The following FREM2 variants were observed in gnomAD, a reference collection of about 807,000 sequenced individuals.
The protein encoded by FREM2 is FRAS1 related extracellular matrix 2, also known as FRAS1-related extracellular matrix protein 2.
Under a neutral mutation model 219.9 loss-of-function variants are expected in FREM2, and 119 were observed. The observed-to-expected ratio is 0.54, with a 90% confidence interval of 0.47 to 0.63. The LOEUF (loss-of-function observed/expected upper bound fraction) is 0.63, where lower values mean the gene tolerates loss of function less well. Among genes scored for constraint, FREM2 ranks in the 30% least tolerant of loss-of-function variants. The pLI is 0.00. For synonymous variants in FREM2, 1,562 were observed against 1,522.8 expected, an observed-to-expected ratio of 1.03 and a Z score of -0.60; for missense variants, 4,030 against 3,993.6, an observed-to-expected ratio of 1.01 and a Z score of -0.25.
Position 38,688,355 on chromosome 13 carries a change from C to G in FREM2, c.1011C>G (p.Ala337=). ...MMEVDQFVLT[A]LTPDMLAAED... is the part of the protein sequence containing the mutation. ...AGGTGGACCAGTTTGTACTGACGGCCCTGACCCCAGACATGCTGGCAGCCG... is the reference window on the plus strand; with the variant it reads ...AGGTGGACCAGTTTGTACTGACGGCGCTGACCCCAGACATGCTGGCAGCCG... Residue 337 remains alanine, a synonymous_variant, in exon 1 of 24, where the codon GCC becomes GCG. Coordinates refer to ENST00000280481, the MANE Select transcript of FREM2 (RefSeq NM_207361.6). 1.9e-6 allele frequency: 3 copies of G among 1,614,160 alleles called. No homozygotes were observed. The highest frequency in any genetic ancestry group is 1.1e-5 in the South Asian group (1 of 91,086).
intron 6 of FREM2, among the ~76,000 whole-genome samples, chr13:38,811,071 TC>T (rs1875456073): frequency 1.3e-5 from 2 of 152,164 alleles, no homozygotes; most frequent in South Asian, 4.1e-4. Flanking sequence ...GAATAATTTA[TC>T]CATTTCTTCT....
At chr13:38,833,040 A>T (rs1295380471) in intron 6 of FREM2, among the ~76,000 whole-genome samples, 6 of 151,914 alleles carry the variant, frequency 3.9e-5, no homozygotes, top group African/African-American at 1.5e-4. Flanking sequence ...CTGTGTCTCG[A>T]AAAAAAAGCA....
intron 15 of FREM2, among the ~76,000 whole-genome samples, chr13:38,862,366 G>A (rs886357337): frequency 6.6e-5 from 10 of 152,160 alleles, no homozygotes; most frequent in African/African-American, 4.8e-5. Flanking sequence ...ATAGCATAAT[G>A]TTGGTCCCTG....
At chr13:38,785,973 T>A (rs1874312355) in intron 6 of FREM2, among the ~76,000 whole-genome samples, 1 of 152,342 alleles carries the variant, frequency 6.6e-6, no homozygotes, top group Admixed American at 6.5e-5. Context: ...GGGTACATAA[T>A]GATGTTTAGA....
Position 38,846,621 on chromosome 13 carries a change from C to A in FREM2, c.6068C>A (p.Ala2023Asp), listed in dbSNP as rs751846321. The A allele has an allele frequency of 6.2e-7, 1 of 1,613,736 alleles. No individual in the cohort carries two copies. The highest frequency in any genetic ancestry group is 8.5e-7 in the Non-Finnish European group (1 of 1,179,754). The change falls in exon 7 of 24, where the codon GCT becomes GAT. Residue 2023 changes from alanine to aspartate, a missense_variant. Around this residue, in one of 2 missense-constraint regions of FREM2, gnomAD observed 3,102 missense variants for 2,950.7 expected, o/e 1.05. Coordinates refer to ENST00000280481, the MANE Select transcript of FREM2 (RefSeq NM_207361.6). ...GDVEYSVDESAGYVEVQVWRT... is the reference protein window; with the variant it reads ...GDVEYSVDESDGYVEVQVWRT... ...GTGGAATACTCTGTGGATGAGAGTG[C>A]TGGCTATGTGGAAGTGCAGGTGTGG...
chr13:38,861,913 G>T (rs1332177893), intron 15 of FREM2, among the ~76,000 whole-genome samples: 2 of 152,146 alleles, frequency 1.3e-5, no homozygotes, highest in Non-Finnish European at 2.9e-5. Context: ...TTCAACATGT[G>T]TTGCAGTTTT....
At chr13:38,879,359 A>G (rs1878462913) in intron 23 of FREM2, among the ~76,000 whole-genome samples, 1 of 152,162 alleles carries the variant, frequency 6.6e-6, no homozygotes, top group South Asian at 2.1e-4. Context: ...CTGACTTTTC[A>G]CCAATATCTT....
At chr13:38,876,494 G>A in intron 20 of FREM2, 112 bp downstream of exon 20, 1 of 887,328 alleles carries the variant, frequency 1.1e-6, no homozygotes, top group East Asian at 2.6e-5. Flanking sequence ...CTTGCATGCT[G>A]AAAAGAAAAG....
intron 23 of FREM2, among the ~76,000 whole-genome samples, chr13:38,879,190 G>A (rs905916438): frequency 2.0e-5 from 3 of 152,160 alleles, no homozygotes; most frequent in African/African-American, 7.2e-5. Context: ...TATTATTTTT[G>A]TTAGCAATAT....
chr13:38,732,176 G>A (rs192978511), intron 2 of FREM2, among the ~76,000 whole-genome samples: 74 of 152,212 alleles, frequency 4.9e-4, no homozygotes, highest in East Asian at 2.9e-3. Flanking sequence ...ATACAACTAC[G>A]TCTGACAAAA....
Position 38,846,713 on chromosome 13 carries a change from T to C in FREM2, c.6160T>C (p.Ser2054Pro), listed in dbSNP as rs1282941073. The part of the protein sequence containing the change: ...TVRSRKTDPP[S>P]ADAGTDYVGI... ...GAGGTCTCGGAAAACAGATCCTCCC[T>C]CTGCAGATGGTGAGCAGTTTCCCAC... Residue 2054 changes from serine to proline, a missense_variant, in exon 7 of 24, where the codon TCT becomes CCT. By Grantham distance (74) the Ser-to-Pro change is moderately conservative (BLOSUM62 -1). Transcript: ENST00000280481. 2 of 1,613,782 alleles carry C rather than the reference T, an allele frequency of 1.2e-6. No homozygotes were observed. Among genetic ancestry groups the C allele is most frequent in the Non-Finnish European group, 1.7e-6 (2 of 1,179,730 alleles).
At chr13:38,799,057 G>A (rs1048708968) in intron 6 of FREM2, among the ~76,000 whole-genome samples, 2 of 151,730 alleles carry the variant, frequency 1.3e-5, no homozygotes, top group Non-Finnish European at 2.9e-5. Context: ...GTTCCCTGAG[G>A]CGCATCATTA....
At chr13:38,832,376 C>T (rs1476953006) in intron 6 of FREM2, among the ~76,000 whole-genome samples, 2 of 151,964 alleles carry the variant, frequency 1.3e-5, no homozygotes, top group Admixed American at 6.6e-5. Context: ...TTTTCTTCTT[C>T]GTTTTTCTTA....
intron 2 of FREM2, among the ~76,000 whole-genome samples, chr13:38,726,122 C>A (rs969896375): frequency 6.6e-6 from 1 of 151,976 alleles, no homozygotes; most frequent in Non-Finnish European, 1.5e-5. Flanking sequence ...AAGGAGGGGG[C>A]GAGAGAAAAG....
rs1869480897 is a variant in FREM2 at position 38,687,108 on chromosome 13, T to C, written c.-237T>C. On this transcript the variant is annotated 5_prime_UTR_variant, in exon 1 of 24. Transcript: ENST00000280481. ...GGAGGGATTCAATTCTCCGCGCGAT[T>C]GAGGCGCTAGCGGCGGAGCTGGACG... 5 of 592,114 alleles carry C rather than the reference T, an allele frequency of 8.4e-6. No individual in the cohort carries two copies. In the South Asian group the frequency reaches 1.1e-4, roughly 12 times the overall value. The allele number at this position is 592,114 out of a possible 1,614,324, so 36.7% of individuals were successfully genotyped here.
intron 13 of FREM2, among the ~76,000 whole-genome samples, chr13:38,859,009 T>G (rs1286567109): frequency 6.6e-6 from 1 of 151,606 alleles, no homozygotes; most frequent in Non-Finnish European, 1.5e-5. Flanking sequence ...AAAGAGAGAA[T>G]AAGGATAACT....
At chr13:38,814,798 C>A (rs966923880) in intron 6 of FREM2, among the ~76,000 whole-genome samples, 3 of 152,206 alleles carry the variant, frequency 2.0e-5, no homozygotes, top group Non-Finnish European at 4.4e-5. Context: ...GCTTGCTGCT[C>A]TTCTCTCCCC....
chr13:38,856,403 A>C, intron 12 of FREM2, 147 bp downstream of exon 12: 1 of 725,918 alleles, frequency 1.4e-6, no homozygotes, highest in Non-Finnish European at 2.4e-6. Flanking sequence ...TTTACCACCT[A>C]AATGTGTTTT....
rs202106776 is a variant in FREM2, at chr13:38,880,614, A to G, written c.9337A>G (p.Thr3113Ala). The stretch of plus-strand genomic sequence containing the variant: ...CCCCAGCTCTGCAGTCAGCCTGGTC[A>G]CTGTGGTGGGAGGCACCACGGTAGG... ...NSPSSAVSLV[T>A]VVGGTTVGLL... Residue 3113 changes from threonine to alanine, a missense_variant, in exon 24 of 24, where the codon ACT becomes GCT. Thr to Ala is a moderately conservative substitution (Grantham distance 58). Around this residue, in one of 2 missense-constraint regions of FREM2, gnomAD observed 928 missense variants for 1,042.9 expected, o/e 0.89. Transcript: ENST00000280481. 252 of 1,613,824 alleles carry G rather than the reference A, an allele frequency of 1.6e-4. 3 individuals are homozygous for G. In the Admixed American group the frequency reaches 4.1e-3, roughly 26 times the overall value.
Sources: gnomAD v4.1 joint callset for allele counts (sites outside exome capture counted in the v4.1 genomes callset) on GRCh38, gnomAD v4.1.1 for gene constraint, gnomAD v4.1.1 regional missense constraint, MANE v1.5 for transcripts, NCBI Gene and HGNC (gene_info 2026-07-23, HGNC 2026-07-21) for gene names.